Variants in MOB3B observed in about 807,000 individuals in gnomAD.
MOB3B encodes MOB kinase activator 3B.
Under a neutral mutation model 18.7 loss-of-function variants are expected in MOB3B, and 7 were observed. The ratio of observed to expected loss-of-function variants is 0.37; its 90% CI spans 0.21 to 0.70. The LOEUF is 0.70. MOB3B is among the 30% of genes least tolerant of loss of function. The pLI is 0.52. For synonymous variants in MOB3B, 111 were observed against 99.9 expected, an observed-to-expected ratio of 1.11 and a Z score of -0.66; for missense variants, 253 against 281.3, an observed-to-expected ratio of 0.90 and a Z score of 0.72.
intron 1 of MOB3B, among the ~76,000 whole-genome samples, chr9:27,462,176 T>A (rs1314015878): frequency 1.3e-5 from 2 of 152,194 alleles, no homozygotes; most frequent in Admixed American, 6.5e-5. Context: ...TTTAATCTTA[T>A]AAAGATTATA....
chr9:27,507,940 T>C (rs1191522819), intron 1 of MOB3B, among the ~76,000 whole-genome samples: 1 of 152,244 alleles, frequency 6.6e-6, no homozygotes, highest in Non-Finnish European at 1.5e-5. Context: ...AATTCTATTA[T>C]TTTTCTGTTG....
At chr9:27,525,047 C>T in intron 1 of MOB3B, 2 of 1,181,896 alleles carry the variant, frequency 1.7e-6, no homozygotes, top group African/African-American at 3.1e-5. Flanking sequence ...GATTGTTGTG[C>T]TGTCCTGTAA....
At chr9:27,357,128 A>ATATATATATATATATATATATATG (rs1821201958) in intron 3 of MOB3B, among the ~76,000 whole-genome samples, 1 of 82,794 alleles carries the variant, frequency 1.2e-5, no homozygotes, top group African/African-American at 4.5e-5. Flanking sequence ...GCAAATATAT[A>ATATATATATATATATATATATATG]TATATATATA....
At chr9:27,333,688 T>A (rs1359709013) in intron 3 of MOB3B, among the ~76,000 whole-genome samples, 3 of 152,252 alleles carry the variant, frequency 2.0e-5, no homozygotes, top group Non-Finnish European at 4.4e-5. Flanking sequence ...TTTCAAAATG[T>A]GTTTTTAACA....
At chr9:27,416,639 T>C (rs1822154007) in intron 2 of MOB3B, among the ~76,000 whole-genome samples, 1 of 145,868 alleles carries the variant, frequency 6.9e-6, no homozygotes, top group Non-Finnish European at 1.5e-5. Flanking sequence ...CAAGTGATCC[T>C]CCTGCCTCAC....
intron 1 of MOB3B, chr9:27,524,618 C>T (rs1481331488): frequency 4.3e-6 from 7 of 1,613,968 alleles, no homozygotes; most frequent in Non-Finnish European, 5.9e-6. Flanking sequence ...CCCTACAGGC[C>T]TTCAACATCT....
intron 1 of MOB3B, among the ~76,000 whole-genome samples, chr9:27,506,272 G>A (rs1820057399): frequency 6.6e-6 from 1 of 152,154 alleles, no homozygotes; most frequent in Non-Finnish European, 1.5e-5. Context: ...CCCCAATTAA[G>A]AGGCTTTTAA....
At chr9:27,435,876 A>G (rs1408190510) in intron 2 of MOB3B, among the ~76,000 whole-genome samples, 3 of 152,036 alleles carry the variant, frequency 2.0e-5, no homozygotes, top group Non-Finnish European at 4.4e-5. Context: ...GCTGGGATTA[A>G]AGGTGTGAGC....
intron 2 of MOB3B, among the ~76,000 whole-genome samples, chr9:27,389,266 C>G (rs1821692364): frequency 6.6e-6 from 1 of 152,176 alleles, no homozygotes; most frequent in Admixed American, 6.5e-5. Context: ...TCTGTGTTTT[C>G]ACAAGCTCTC....
intron 2 of MOB3B, among the ~76,000 whole-genome samples, chr9:27,454,014 G>A (rs1424109478): frequency 6.6e-6 from 1 of 152,148 alleles, no homozygotes; most frequent in Non-Finnish European, 1.5e-5. Flanking sequence ...AGGAGAGAGA[G>A]AAGTATGAGG....
chr9:27,408,037 C>T lies in MOB3B; in HGVS notation c.418+47096G>A, dbSNP rs963704535. Among the ~76,000 whole-genome samples, 8 of 152,142 alleles carry T rather than the reference C, an allele frequency of 5.3e-5. No individual in the cohort carries two copies. The South Asian group carries it at 6.2e-4, about 12-fold the overall frequency. ...AGAGACTGTTTCTGGCCACTGAGCCCGATGCTTGGGACATCAATGGCTCAC... is the reference window on the plus strand; with the variant it reads ...AGAGACTGTTTCTGGCCACTGAGCCTGATGCTTGGGACATCAATGGCTCAC... On this transcript the variant is annotated intron_variant, in intron 2 of 3. Coordinates refer to ENST00000262244, the MANE Select transcript of MOB3B (RefSeq NM_024761.5).
intron 3 of MOB3B, among the ~76,000 whole-genome samples, chr9:27,331,418 C>T (rs1820788707): frequency 1.3e-5 from 2 of 152,226 alleles, no homozygotes; most frequent in Non-Finnish European, 2.9e-5. Flanking sequence ...CCACTCTCTC[C>T]TCCTGTGCAC....
chr9:27,343,150 G>A lies in MOB3B; in HGVS notation c.622-12534C>T, dbSNP rs373799362. 1.4e-4 allele frequency among the ~76,000 whole-genome samples: 21 copies of A among 151,610 alleles called. No homozygotes were observed. In the East Asian group the frequency reaches 2.5e-3, roughly 18 times the overall value. ...TACTAAGAAAAAGTCTTCTGCCTTG[G>A]GATGCTGTTAATCTATAACTTTACC... On this transcript the variant is annotated intron_variant, in intron 3 of 3. Coordinates refer to ENST00000262244, the MANE Select transcript of MOB3B (RefSeq NM_024761.5).
At chr9:27,390,617 C>A (rs1314753711) in intron 2 of MOB3B, among the ~76,000 whole-genome samples, 1 of 152,192 alleles carries the variant, frequency 6.6e-6, no homozygotes, top group Non-Finnish European at 1.5e-5. Context: ...ACAGAGCCTG[C>A]AATCAGGGCG....
chr9:27,336,534 CTT>C (rs1820865912), intron 3 of MOB3B, among the ~76,000 whole-genome samples: 1 of 152,140 alleles, frequency 6.6e-6, no homozygotes, highest in African/African-American at 2.4e-5. Flanking sequence ...GTGCTGGAAA[CTT>C]TGGAAAAATG....
At chr9:27,393,905 A>G (rs1821764043) in intron 2 of MOB3B, among the ~76,000 whole-genome samples, 1 of 152,182 alleles carries the variant, frequency 6.6e-6, no homozygotes, top group Admixed American at 6.5e-5. Context: ...AATAAAGATA[A>G]GATAGAAAAG....
At chr9:27,481,208 T>C (rs1324546936) in intron 1 of MOB3B, among the ~76,000 whole-genome samples, 1 of 152,024 alleles carries the variant, frequency 6.6e-6, no homozygotes. Flanking sequence ...AGAAGAAACA[T>C]AGAAACTGTG....
At chr9:27,418,591 C>G (rs1352853304) in intron 2 of MOB3B, among the ~76,000 whole-genome samples, 1 of 152,124 alleles carries the variant, frequency 6.6e-6, no homozygotes, top group East Asian at 1.9e-4. Context: ...ATCATATGAT[C>G]ATCTCAATAG....
At chr9:27,341,569 C>G (rs1244972980) in intron 3 of MOB3B, among the ~76,000 whole-genome samples, 4 of 152,122 alleles carry the variant, frequency 2.6e-5, no homozygotes, top group African/African-American at 9.7e-5. Context: ...TAAAATTTTC[C>G]TTTTAATACA....
Sources: allele counts gnomAD v4.1 joint callset (sites outside exome capture counted in the v4.1 genomes callset), GRCh38; gene constraint gnomAD v4.1.1; transcripts MANE v1.5; gene names NCBI Gene and HGNC (gene_info 2026-07-23, HGNC 2026-07-21).